CHRM2: variants seen among roughly 807,000 people sequenced by gnomAD.
CHRM2 encodes muscarinic acetylcholine receptor M2.
CHRM2 carries 8 observed loss-of-function variants against 25.0 expected under a neutral mutation model. That is an observed-to-expected ratio of 0.32 (90% CI 0.19 to 0.58). CHRM2 has a LOEUF of 0.58. Among genes scored for constraint, CHRM2 ranks in the 20% least tolerant of loss-of-function variants. The pLI is 0.88. For synonymous variants in CHRM2, 202 were observed against 205.7 expected (o/e 0.98, Z 0.15); for missense variants, 440 against 567.1 (o/e 0.78, Z 2.28).
At chr7:136,940,876 C>T (rs917380950) in intron 2 of CHRM2, among the ~76,000 whole-genome samples, 2 of 152,042 alleles carry the variant, frequency 1.3e-5, no homozygotes, top group Non-Finnish European at 2.9e-5. Flanking sequence ...TTAAGTAATG[C>T]TTATTTGAGG....
chr7:136,899,037 TGTTACA>T (rs1406963228), intron 2 of CHRM2: 4 of 152,114 alleles, frequency 2.6e-5, no homozygotes, highest in African/African-American at 4.8e-5. Context: ...AAATTCAAAG[TGTTACA>T]GTTATTCTTC....
chr7:136,986,051 A>C (rs190760282), intron 2 of CHRM2, among the ~76,000 whole-genome samples: 46 of 152,230 alleles, frequency 3.0e-4, no homozygotes, highest in African/African-American at 9.1e-4. Flanking sequence ...TAACTACACC[A>C]AGTGACCCGT....
chr7:136,889,744 T>G (rs1311995083), intron 2 of CHRM2, among the ~76,000 whole-genome samples: 1 of 152,266 alleles, frequency 6.6e-6, no homozygotes, highest in Non-Finnish European at 1.5e-5. Context: ...TGCAATGATT[T>G]AGATTCAGAT....
intron 2 of CHRM2, among the ~76,000 whole-genome samples, chr7:136,991,343 T>C (rs1803213332): frequency 1.3e-5 from 2 of 152,160 alleles, no homozygotes; most frequent in South Asian, 4.1e-4. Flanking sequence ...CATTGGTTTT[T>C]TGCATGCAGA....
intron 2 of CHRM2, among the ~76,000 whole-genome samples, chr7:136,873,977 C>A (rs763674603): frequency 1.3e-5 from 2 of 152,160 alleles, no homozygotes; most frequent in Non-Finnish European, 2.9e-5. Context: ...AACAGAAGTT[C>A]TTTTGTCTGA....
chr7:136,903,220 T>A (rs1346945082), intron 2 of CHRM2: 1 of 534,240 alleles, frequency 1.9e-6, no homozygotes. Flanking sequence ...GATCTCCAGG[T>A]GGGTCAAGTT....
chr7:136,960,653 G>C (rs1801014128), intron 2 of CHRM2, among the ~76,000 whole-genome samples: 1 of 152,174 alleles, frequency 6.6e-6, no homozygotes. Context: ...GCTAACATGA[G>C]ATTTGACAAA....
At chr7:136,950,821 G>GTTA (rs1335619629) in intron 2 of CHRM2, among the ~76,000 whole-genome samples, 1 of 151,926 alleles carries the variant, frequency 6.6e-6, no homozygotes, top group Non-Finnish European at 1.5e-5. Flanking sequence ...TGTTGTTGTT[G>GTTA]TTGTTGTTTC....
intron 3 of CHRM2, among the ~76,000 whole-genome samples, chr7:137,007,886 C>A (rs1804551386): frequency 6.6e-6 from 1 of 152,086 alleles, no homozygotes; most frequent in South Asian, 2.1e-4. Context: ...CCACAATTCT[C>A]TCTTTTTCTT....
At chr7:136,921,648 C>T (rs957231780) in intron 2 of CHRM2, among the ~76,000 whole-genome samples, 8 of 152,074 alleles carry the variant, frequency 5.3e-5, no homozygotes, top group Non-Finnish European at 1.2e-4. Flanking sequence ...ATTACTTTCC[C>T]CACTGCCTTC....
chr7:136,876,967 TA>T (rs1796074469), intron 2 of CHRM2, among the ~76,000 whole-genome samples: 1 of 152,098 alleles, frequency 6.6e-6, no homozygotes, highest in Admixed American at 6.6e-5. Flanking sequence ...ATTCCTCTTG[TA>T]AAGACATTGA....
At chr7:136,884,145 G>A (rs1296886859) in intron 2 of CHRM2, among the ~76,000 whole-genome samples, 2 of 152,132 alleles carry the variant, frequency 1.3e-5, no homozygotes, top group African/African-American at 4.8e-5. Flanking sequence ...TACACAATGA[G>A]TTTGTTCCCT....
intron 2 of CHRM2, among the ~76,000 whole-genome samples, chr7:136,907,358 G>C (rs914752977): frequency 6.6e-5 from 10 of 152,052 alleles, no homozygotes; most frequent in Admixed American, 3.3e-4. Context: ...AACAACAGTT[G>C]CTTGACCTTC....
At chr7:136,964,189 A>G (rs190416784) in intron 2 of CHRM2, among the ~76,000 whole-genome samples, 1 of 152,266 alleles carries the variant, frequency 6.6e-6, no homozygotes, top group Admixed American at 6.5e-5. Context: ...TTTCAAAAAA[A>G]ATTATTATTA....
chr7:136,878,218 AG>A (rs1427398431), intron 2 of CHRM2, among the ~76,000 whole-genome samples: 1 of 152,004 alleles, frequency 6.6e-6, no homozygotes, highest in Non-Finnish European at 1.5e-5. Context: ...GATAAAGAGC[AG>A]CCCCAGGGCC....
At chr7:136,897,248 T>A (rs1044235932) in intron 2 of CHRM2, among the ~76,000 whole-genome samples, 6 of 151,934 alleles carry the variant, frequency 3.9e-5, no homozygotes, top group African/African-American at 1.5e-4. Context: ...TGAACATTTG[T>A]GTTTGAGGAA....
At chr7:136,878,342 T>TA (rs1484232747) in intron 2 of CHRM2, among the ~76,000 whole-genome samples, 3 of 151,960 alleles carry the variant, frequency 2.0e-5, no homozygotes, top group Admixed American at 6.6e-5. Context: ...TAAGCCTAAA[T>TA]AATAAAGACT....
At chr7:136,959,412 G>C (rs541306250) in intron 2 of CHRM2, among the ~76,000 whole-genome samples, 16 of 152,316 alleles carry the variant, frequency 1.1e-4, no homozygotes, top group Non-Finnish European at 1.8e-4. Flanking sequence ...CCAACATCTG[G>C]TTCCGGTATT....
intron 2 of CHRM2, among the ~76,000 whole-genome samples, chr7:136,974,297 T>C (rs1584857945): frequency 6.6e-6 from 1 of 152,194 alleles, no homozygotes; most frequent in Admixed American, 6.5e-5. Context: ...ATGCCTTCTA[T>C]GTGCTGGATG....
Sources: allele counts gnomAD v4.1 joint callset (sites outside exome capture counted in the v4.1 genomes callset), GRCh38; gene constraint gnomAD v4.1.1; transcripts MANE v1.5; gene names NCBI Gene and HGNC (gene_info 2026-07-23, HGNC 2026-07-21).